The following PTPRD variants were observed in gnomAD, a reference collection of about 807,000 sequenced individuals.
PTPRD encodes the protein protein tyrosine phosphatase receptor type D.
Under a neutral mutation model 214.5 loss-of-function variants are expected in PTPRD, and 34 were observed. The ratio of observed to expected loss-of-function variants is 0.16; its 90% CI spans 0.12 to 0.21. The LOEUF is 0.21. Among genes scored for constraint, PTPRD ranks in the 10% least tolerant of loss-of-function variants. The probability of loss-of-function intolerance (pLI) is 1.00; values close to 1 mark genes in which losing one functional copy is unlikely to be tolerated. For synonymous variants in PTPRD, 1,128 were observed against 845.7 expected (o/e 1.33, Z -5.79); for missense variants, 2,545 against 2,398.7 (o/e 1.06, Z -1.27).
At chr9:10,428,800 CAT>C (rs1219229120) in intron 2 of PTPRD, among the ~76,000 whole-genome samples, 10 of 152,004 alleles carry the variant, frequency 6.6e-5, no homozygotes, top group Non-Finnish European at 1.3e-4. Flanking sequence ...AGACAAAACA[CAT>C]GAGTGGAGCT....
At chr9:10,282,716 T>A (rs900488414) in intron 3 of PTPRD, among the ~76,000 whole-genome samples, 1 of 152,128 alleles carries the variant, frequency 6.6e-6, no homozygotes, top group Non-Finnish European at 1.5e-5. Flanking sequence ...ACACTGATTT[T>A]TTTTAAGTTG....
In PTPRD at chr9:8,932,499, G is replaced by A. The variant is rs147370444; in HGVS notation, c.-104+86198C>T. 7.3e-4 allele frequency among the ~76,000 whole-genome samples: 111 copies of A among 152,280 alleles called. No homozygotes were observed. In the East Asian group the frequency reaches 0.018, roughly 24 times the overall value. On this transcript the variant is annotated intron_variant, in intron 11 of 45. Transcript: ENST00000381196. ...TACCCTTTCCCCCAGGTGCTCTGTC[G>A]CAGGGAGATGGGAGTTTGATCCATA...
intron 34 of PTPRD, among the ~76,000 whole-genome samples, chr9:8,446,419 C>A (rs555589914): frequency 1.2e-4 from 18 of 152,190 alleles, no homozygotes; most frequent in Non-Finnish European, 2.1e-4. Context: ...AAGCAATGTG[C>A]TTTCTTTACC....
chr9:10,345,424 AC>A (rs1199157496), intron 2 of PTPRD, among the ~76,000 whole-genome samples: 1 of 50,502 alleles, frequency 2.0e-5, no homozygotes, highest in Non-Finnish European at 4.2e-5. Flanking sequence ...CTAGCCCCCC[AC>A]CCCCCACATG....
chr9:8,905,710 G>A (rs186252971), intron 11 of PTPRD, among the ~76,000 whole-genome samples: 47 of 145,434 alleles, frequency 3.2e-4, no homozygotes, highest in African/African-American at 1.2e-3. Flanking sequence ...CTGCATTCCA[G>A]CCTGGGAGAC....
chr9:9,573,487 C>A (rs140791801), intron 8 of PTPRD, among the ~76,000 whole-genome samples: 5 of 150,574 alleles, frequency 3.3e-5, no homozygotes, highest in African/African-American at 9.7e-5. Flanking sequence ...ACTAAAACTG[C>A]GCACTTAAGA....
intron 3 of PTPRD, among the ~76,000 whole-genome samples, chr9:10,170,647 A>G (rs557661972): frequency 1.2e-4 from 18 of 152,284 alleles, no homozygotes; most frequent in African/African-American, 4.1e-4. Flanking sequence ...AGATCGCACC[A>G]CTGCACTCCA....
At chr9:10,486,886 A>C (rs1183292818) in intron 2 of PTPRD, among the ~76,000 whole-genome samples, 1 of 152,136 alleles carries the variant, frequency 6.6e-6, no homozygotes, top group Non-Finnish European at 1.5e-5. Flanking sequence ...GATCTGTCCC[A>C]TGTTGAATAT....
chr9:9,523,046 T>C (rs1190382232), intron 8 of PTPRD, among the ~76,000 whole-genome samples: 4 of 152,146 alleles, frequency 2.6e-5, no homozygotes, highest in African/African-American at 9.7e-5. Flanking sequence ...CCTAACTTAA[T>C]CATAATTTAT....
intron 5 of PTPRD, among the ~76,000 whole-genome samples, chr9:9,917,303 A>G (rs1360255160): frequency 6.8e-5 from 1 of 14,614 alleles, no homozygotes; most frequent in Non-Finnish European, 1.8e-4. Context: ...AGCTAGACTG[A>G]AAAAAAAAAA....
At chr9:10,561,338 TA>T (rs2131533489) in intron 2 of PTPRD, among the ~76,000 whole-genome samples, 1 of 152,306 alleles carries the variant, frequency 6.6e-6, no homozygotes, top group East Asian at 1.9e-4. Context: ...GTAGCAAATG[TA>T]AAGATACTTT....
rs779744339 is a variant in PTPRD, at chr9:8,499,819, T to G, written c.2150A>C (p.Lys717Thr). The change falls in exon 25 of 46, where the codon AAA becomes ACA. Residue 717 changes from lysine (K) to threonine (T), a missense_variant. By Grantham distance (78) the Lys-to-Thr change is moderately conservative. Coordinates refer to ENST00000381196, the MANE Select transcript of PTPRD (RefSeq NM_002839.4). ...TGAGTTGACAGCCTCTACCTCGACTTTGCGAGGAGGACCACTAGGAACTGG... is the reference window on the plus strand; with the variant it reads ...TGAGTTGACAGCCTCTACCTCGACTGTGCGAGGAGGACCACTAGGAACTGG... ...NEDVPSGPPR[K>T]VEVEAVNSTS... is the part of the protein sequence containing the mutation. 6 of 1,612,276 alleles carry G rather than the reference T, an allele frequency of 3.7e-6. No individual in the cohort carries two copies. The highest frequency in any genetic ancestry group is 2.2e-5 in the South Asian group (2 of 90,648).
intron 12 of PTPRD, among the ~76,000 whole-genome samples, chr9:8,715,861 G>T (rs1326998191): frequency 6.6e-6 from 1 of 152,190 alleles, no homozygotes; most frequent in Non-Finnish European, 1.5e-5. Flanking sequence ...TTAGCCTTCA[G>T]ACAATTCAAA....
At chr9:9,542,860 T>G (rs937790881) in intron 8 of PTPRD, among the ~76,000 whole-genome samples, 1 of 151,704 alleles carries the variant, frequency 6.6e-6, no homozygotes, top group Non-Finnish European at 1.5e-5. Context: ...TCTAAGGGTT[T>G]TGTGCTGCAG....
intron 34 of PTPRD, among the ~76,000 whole-genome samples, chr9:8,444,620 A>G (rs190704472): frequency 6.6e-6 from 1 of 152,250 alleles, no homozygotes; most frequent in East Asian, 1.9e-4. Flanking sequence ...CCACCATATA[A>G]TTATAAAAAT....
chr9:10,455,819 GAA>G lies in PTPRD; in HGVS notation c.-599-114804_-599-114803del, dbSNP rs571784788. Among the ~76,000 whole-genome samples, 264 of 151,864 alleles carry G rather than the reference GAA, an allele frequency of 1.7e-3. 1 individual carries two copies. The highest frequency in any genetic ancestry group is 5.7e-3 in the African/African-American group (238 of 41,528). ...TAAGGAAAAAACTATTACTCCTACTGAATGTGATTACTTTCAGTAGAATATAA... is the reference window on the plus strand; with the variant it reads ...TAAGGAAAAAACTATTACTCCTACTGTGTGATTACTTTCAGTAGAATATAA... On this transcript the variant is annotated intron_variant, in intron 2 of 45. Transcript: ENST00000381196.
intron 35 of PTPRD, among the ~76,000 whole-genome samples, chr9:8,433,312 G>C (rs916844177): frequency 6.6e-6 from 1 of 152,200 alleles, no homozygotes; most frequent in African/African-American, 2.4e-5. Context: ...ATTAGGTACA[G>C]TACATAATAT....
intron 3 of PTPRD, among the ~76,000 whole-genome samples, chr9:10,154,180 T>C (rs745664292): frequency 2.0e-5 from 3 of 152,286 alleles, no homozygotes; most frequent in Admixed American, 2.0e-4. Context: ...TGGTGTGAGA[T>C]GGTATCTCAT....
rs1156503219 is a variant in PTPRD at position 8,449,613 on chromosome 9, AG to A, written c.3988+111del. The A allele has an allele frequency of 2.7e-5, 26 of 957,610 alleles. No individual in the cohort carries two copies. In the East Asian group the frequency reaches 5.8e-4, roughly 21 times the overall value. The allele number at this position is 957,610 out of a possible 1,614,324, so 59.3% of individuals were successfully genotyped here. On this transcript the variant is annotated intron_variant, in intron 34 of 45. Transcript: ENST00000381196. ...CTCCATAATAGTAAAATAAAAGAGC[AG>A]GATGAACAAAATGGCTCAAAATAAA...
Sources: gnomAD v4.1 joint callset for allele counts (sites outside exome capture counted in the v4.1 genomes callset) on GRCh38, gnomAD v4.1.1 for gene constraint, MANE v1.5 for transcripts, NCBI Gene and HGNC (gene_info 2026-07-23, HGNC 2026-07-21) for gene names.